The following HECW2 variants were observed in gnomAD, a reference collection of about 807,000 sequenced individuals.
HECW2 encodes the protein E3 ubiquitin-protein ligase HECW2.
In HECW2, 61 loss-of-function variants were observed where a neutral mutation model predicts 175.2. The observed-to-expected ratio is 0.35, with a 90% CI of 0.28 to 0.43. The LOEUF (loss-of-function observed/expected upper bound fraction) is 0.43, where lower values mean the gene tolerates loss of function less well. HECW2 is among the 20% of genes least tolerant of loss of function. The pLI is 1.00. For synonymous variants in HECW2, 671 were observed against 731.0 expected, an observed-to-expected ratio of 0.92 and a Z score of 1.32; for missense variants, 1,524 against 2,000.5, an observed-to-expected ratio of 0.76 and a Z score of 4.54.
intron 28 of HECW2, among the ~76,000 whole-genome samples, chr2:196,204,085 T>C (rs570723817): frequency 6.6e-6 from 1 of 152,332 alleles, no homozygotes; most frequent in Non-Finnish European, 1.5e-5. Flanking sequence ...ATATACCACA[T>C]TTTCTTTATT....
chr2:196,554,200 C>T (rs1222209819), intron 1 of HECW2, among the ~76,000 whole-genome samples: 1 of 152,010 alleles, frequency 6.6e-6, no homozygotes, highest in Non-Finnish European at 1.5e-5. Flanking sequence ...GTGGCGGGCG[C>T]CTGTAGTCCC....
chr2:196,332,144 A>G (rs1428515611), intron 4 of HECW2, among the ~76,000 whole-genome samples: 1 of 143,992 alleles, frequency 6.9e-6, no homozygotes, highest in Non-Finnish European at 1.5e-5. Flanking sequence ...ACGTGAGAAA[A>G]GAGACCACAT....
At chr2:196,406,104 G>A (rs1694959707) in intron 2 of HECW2, among the ~76,000 whole-genome samples, 1 of 152,098 alleles carries the variant, frequency 6.6e-6, no homozygotes, top group East Asian at 1.9e-4. Flanking sequence ...TGTGTACACT[G>A]TCCTTCAGGG....
chr2:196,225,411 G>C (rs1340627129), intron 23 of HECW2, among the ~76,000 whole-genome samples: 1 of 152,198 alleles, frequency 6.6e-6, no homozygotes, highest in African/African-American at 2.4e-5. Flanking sequence ...GGGGGGCTGT[G>C]AGTCACTAAG....
intron 5 of HECW2, 111 bp from the exon 6 acceptor site, chr2:196,325,260 T>G: frequency 1.4e-6 from 1 of 735,086 alleles, no homozygotes; most frequent in Non-Finnish European, 2.2e-6. Flanking sequence ...GATTCATATG[T>G]CCTGATTAGA....
At chr2:196,515,865 T>C (rs1243051675) in intron 1 of HECW2, among the ~76,000 whole-genome samples, 2 of 151,982 alleles carry the variant, frequency 1.3e-5, no homozygotes, top group Non-Finnish European at 1.5e-5. Flanking sequence ...GGCTCATGCC[T>C]GTAATCCCAA....
intron 1 of HECW2, among the ~76,000 whole-genome samples, chr2:196,453,491 G>A (rs1213709458): frequency 6.6e-6 from 1 of 152,112 alleles, no homozygotes; most frequent in Non-Finnish European, 1.5e-5. Context: ...GGAGAGTATT[G>A]TAATTAGGAA....
intron 20 of HECW2, among the ~76,000 whole-genome samples, chr2:196,241,527 G>A (rs1389250043): frequency 6.6e-6 from 1 of 152,208 alleles, no homozygotes; most frequent in Non-Finnish European, 1.5e-5. Context: ...CAGGGGTGAA[G>A]GCAGGGAGGA....
intron 13 of HECW2, among the ~76,000 whole-genome samples, chr2:196,301,210 T>C (rs1691038742): frequency 6.6e-6 from 1 of 152,186 alleles, no homozygotes; most frequent in Admixed American, 6.6e-5. Flanking sequence ...CATGATTGCA[T>C]TCCTTTTTAT....
chr2:196,366,759 T>C (rs962000239), intron 2 of HECW2, among the ~76,000 whole-genome samples: 4 of 152,212 alleles, frequency 2.6e-5, no homozygotes, highest in African/African-American at 4.8e-5. Context: ...GAAACACAAA[T>C]GTTTCCAAGT....
chr2:196,379,696 AAAAAAAAC>A lies in HECW2; in HGVS notation c.293-35940_293-35933del, dbSNP rs1313203936. On this transcript the variant is annotated intron_variant, in intron 2 of 28. Coordinates refer to ENST00000644978, the MANE Select transcript of HECW2 (RefSeq NM_001348768.2). The stretch of plus-strand genomic sequence containing the variant: ...CAATACTCCGTCTCAAAAAAAAAAA[AAAAAAAAC>A]AAAAAGATTATGGCACCTTAAGGAC... Among the ~76,000 whole-genome samples, 65 of 17,144 alleles carry A rather than the reference AAAAAAAAC, an allele frequency of 3.8e-3. 1 individual carries two copies. The highest frequency in any genetic ancestry group is 4.0e-3 in the Admixed American group (3 of 756). The allele number at this position is 17,144 out of a possible 152,430, so 11.2% of individuals were successfully genotyped here. A position where few individuals can be genotyped will look rare whatever the true frequency, so the allele number is the denominator to read the frequency against.
intron 21 of HECW2, 139 bp downstream of exon 21, chr2:196,240,310 A>AT: frequency 2.1e-6 from 1 of 469,194 alleles, no homozygotes; most frequent in Non-Finnish European, 3.7e-6. Context: ...AAAAAAAAAA[A>AT]GCCCAAAGGT....
chr2:196,441,511 G>A (rs1696043909), intron 1 of HECW2, among the ~76,000 whole-genome samples: 1 of 152,002 alleles, frequency 6.6e-6, no homozygotes, highest in Non-Finnish European at 1.5e-5. Context: ...GATATAATTA[G>A]CCTGCAGTAA....
chr2:196,248,734 G>A (rs915900984), intron 19 of HECW2, among the ~76,000 whole-genome samples: 2 of 151,932 alleles, frequency 1.3e-5, no homozygotes, highest in South Asian at 4.1e-4. Flanking sequence ...GACATAAACA[G>A]CTGGTAAAAT....
intron 2 of HECW2, among the ~76,000 whole-genome samples, chr2:196,373,930 G>A (rs1252471031): frequency 1.3e-5 from 2 of 151,320 alleles, no homozygotes; most frequent in Non-Finnish European, 3.0e-5. Flanking sequence ...TACTTGGGAG[G>A]CTGAGGCAGG....
At chr2:196,211,529 A>G (rs1030319302) in intron 28 of HECW2, among the ~76,000 whole-genome samples, 3 of 152,144 alleles carry the variant, frequency 2.0e-5, no homozygotes, top group Admixed American at 2.0e-4. Context: ...AAGAGGAAAA[A>G]AGAGCCATGG....
intron 10 of HECW2, among the ~76,000 whole-genome samples, chr2:196,314,360 G>A (rs946380464): frequency 6.6e-6 from 1 of 152,118 alleles, no homozygotes; most frequent in Non-Finnish European, 1.5e-5. Flanking sequence ...GGCATTGGTG[G>A]TGCCCAATAA....
intron 2 of HECW2, among the ~76,000 whole-genome samples, chr2:196,416,131 C>T (rs546851920): frequency 2.6e-5 from 4 of 152,294 alleles, no homozygotes; most frequent in African/African-American, 9.6e-5. Flanking sequence ...ATTGGTCACA[C>T]TGACCTTTAG....
At chr2:196,448,148 G>A (rs1345835970) in intron 1 of HECW2, among the ~76,000 whole-genome samples, 1 of 152,212 alleles carries the variant, frequency 6.6e-6, no homozygotes, top group African/African-American at 2.4e-5. Flanking sequence ...AAATGTTGGT[G>A]TAAGATAAAA....
Sources: allele counts gnomAD v4.1 joint callset (sites outside exome capture counted in the v4.1 genomes callset), GRCh38; gene constraint gnomAD v4.1.1; transcripts MANE v1.5; gene names NCBI Gene and HGNC (gene_info 2026-07-23, HGNC 2026-07-21).